Variants in KLHL1 observed in about 807,000 individuals in gnomAD.
KLHL1 encodes the protein kelch-like protein 1.
A neutral mutation model predicts 77.7 loss-of-function variants in KLHL1; 47 were observed. The observed-to-expected ratio is 0.60, with a 90% CI of 0.48 to 0.77. The LOEUF (loss-of-function observed/expected upper bound fraction) is 0.77. Ranked by LOEUF, KLHL1 falls within the 30% of genes least tolerant of loss-of-function variation. KLHL1 has a pLI of 0.00. For missense variants in KLHL1, 925 were observed against 910.8 expected (o/e 1.02, Z -0.20); for synonymous variants, 360 against 325.2 (o/e 1.11, Z -1.15).
chr13:69,839,111 G>A lies in KLHL1; in HGVS notation c.1279C>T (p.Gln427Ter), dbSNP rs1322020999. 6.2e-7 allele frequency: 1 copy of A among 1,608,180 alleles called. No individual in the cohort carries two copies. Among genetic ancestry groups the A allele is most frequent in the Non-Finnish European group, 8.5e-7 (1 of 1,176,708 alleles). Residue 427 changes from glutamine to a stop codon, truncating the protein, a stop_gained, in exon 6 of 11, where the codon CAA (glutamine) becomes TAA (stop). Transcript: ENST00000377844. LOFTEE classifies it high-confidence loss of function. ...TTCATTGCTTCTAGAATCAGCTTTT[G>A]ACATTCCAGATCATTCTTAAATAAT... ...HALFKNDLEC[Q>*]KLILEAMKYH...
chr13:70,034,737 C>T (rs1178822978), intron 1 of KLHL1, among the ~76,000 whole-genome samples: 1 of 152,132 alleles, frequency 6.6e-6, no homozygotes, highest in Non-Finnish European at 1.5e-5. Context: ...TATACACCAT[C>T]GTTCTTTTCT....
chr13:70,103,340 C>G (rs1887969851), intron 1 of KLHL1, among the ~76,000 whole-genome samples: 1 of 152,058 alleles, frequency 6.6e-6, no homozygotes, highest in Admixed American at 6.6e-5. Context: ...GCATTCAGAA[C>G]CAGGTAATCC....
Position 69,940,216 on chromosome 13 carries a change from C to T in KLHL1, c.838G>A (p.Asp280Asn), listed in dbSNP as rs765265112. Residue 280 changes from aspartate to asparagine, a missense_variant, in exon 4 of 11, where the codon GAC (aspartate) becomes AAC (asparagine). Transcript: ENST00000377844. ...AYTGCLELKE[D>N]TIENLLAAAC... ...GCAGCAAGAAGGTTCTCAATGGTGT[C>T]CTCTTTTAATTCCAAGCAGCCTAAA... The T allele has an allele frequency of 1.2e-6, 2 of 1,607,332 alleles. No homozygotes were observed. The highest frequency in any genetic ancestry group is 2.2e-5 in the East Asian group (1 of 44,742).
Position 69,701,462 on chromosome 13 carries a change from T to A in KLHL1, c.*240A>T. On this transcript the variant is annotated 3_prime_UTR_variant, in exon 11 of 11. Transcript: ENST00000377844. ...TTGTATGCTATAATACAAAACAAAT[T>A]ACCAATAACCATTCCCGAACTAACT... 2 of 420,946 alleles carry A rather than the reference T, an allele frequency of 4.8e-6. No homozygotes were observed. The highest frequency in any genetic ancestry group is 8.5e-6 in the Non-Finnish European group (2 of 234,552). The allele number at this position is 420,946 out of a possible 1,614,324, so 26.1% of individuals were successfully genotyped here.
intron 1 of KLHL1, among the ~76,000 whole-genome samples, chr13:70,073,756 G>T (rs1236752445): frequency 6.6e-6 from 1 of 152,040 alleles, no homozygotes; most frequent in Non-Finnish European, 1.5e-5. Flanking sequence ...TAGCTTGGGT[G>T]AGAGGGTGAG....
intron 3 of KLHL1, among the ~76,000 whole-genome samples, chr13:69,960,221 T>C (rs2137268742): frequency 6.6e-6 from 1 of 151,690 alleles, no homozygotes; most frequent in Non-Finnish European, 1.5e-5. Flanking sequence ...TCCTCCTAGT[T>C]CCCAGGTGTT....
intron 2 of KLHL1, among the ~76,000 whole-genome samples, chr13:69,973,552 A>G (rs1181650665): frequency 6.6e-6 from 1 of 151,782 alleles, no homozygotes; most frequent in Non-Finnish European, 1.5e-5. Flanking sequence ...GACAATATTT[A>G]GTTGTACTAA....
Position 70,090,579 on chromosome 13 carries a change from C to T in KLHL1, c.497+16624G>A, listed in dbSNP as rs1887648951. Among the ~76,000 whole-genome samples the T allele has an allele frequency of 2.0e-5, 3 of 151,920 alleles. No individual in the cohort carries two copies. In the South Asian group the frequency reaches 6.2e-4, roughly 31 times the overall value. The stretch of plus-strand genomic sequence containing the variant: ...CAGATGTGAGGCACACAATTTAAAG[C>T]TGGCTATAATCCTTTTCTCACGATG... On this transcript the variant is annotated intron_variant, in intron 1 of 10. Transcript: ENST00000377844.
At position 69,775,830 on chromosome 13, in the gene KLHL1, A is replaced by G. The variant is rs569124705; in HGVS notation, c.1639+20908T>C. The stretch of plus-strand genomic sequence containing the variant: ...CACGTCACGGAAAGGGGCTCTCCCA[A>G]TTTTAGGTGGTAACTGCATTTTAAA... On this transcript the variant is annotated intron_variant, in intron 7 of 10. Transcript: ENST00000377844. Among the ~76,000 whole-genome samples, 26 of 151,954 alleles carry G rather than the reference A, an allele frequency of 1.7e-4. No individual in the cohort carries two copies. The East Asian group carries it at 4.5e-3, about 26-fold the overall frequency.
At chr13:69,950,697 A>T (rs1883681001) in intron 3 of KLHL1, among the ~76,000 whole-genome samples, 1 of 151,686 alleles carries the variant, frequency 6.6e-6, no homozygotes, top group Non-Finnish European at 1.5e-5. Context: ...TTAATTTAGG[A>T]TACCTTTATG....
chr13:69,912,136 G>T (rs900267887), intron 4 of KLHL1, among the ~76,000 whole-genome samples: 4 of 152,102 alleles, frequency 2.6e-5, no homozygotes, highest in East Asian at 3.9e-4. Context: ...TTTAAAACTG[G>T]TGATCATCCA....
chr13:70,066,767 C>A (rs1196115863), intron 1 of KLHL1, among the ~76,000 whole-genome samples: 1 of 152,200 alleles, frequency 6.6e-6, no homozygotes, highest in African/African-American at 2.4e-5. Flanking sequence ...ACAGCCTATG[C>A]TAAGCTCTTA....
rs184075739 is a variant in KLHL1, at chr13:69,959,775, A to G, written c.817+1533T>C. ...GAGTAGAAGACTAACTTGGGTGAAC[A>G]AATTGCTTCAAGTTGTAAAACTATC... is the stretch of plus-strand genomic sequence containing the variant. On this transcript the variant is annotated intron_variant, in intron 3 of 10. Transcript: ENST00000377844. 2.1e-3 allele frequency among the ~76,000 whole-genome samples: 316 copies of G among 152,066 alleles called. 2 individuals are homozygous for G. The highest frequency in any genetic ancestry group is 7.4e-3 in the African/African-American group (309 of 41,528).
chr13:69,936,904 C>T (rs541900238), intron 4 of KLHL1, among the ~76,000 whole-genome samples: 1 of 152,254 alleles, frequency 6.6e-6, no homozygotes, highest in South Asian at 2.1e-4. Flanking sequence ...TAGCTTTGAT[C>T]ACTCGCTTGT....
chr13:69,953,444 C>CTTAAGTTATATCT (rs770768900), intron 3 of KLHL1, among the ~76,000 whole-genome samples: 22 of 150,950 alleles, frequency 1.5e-4, no homozygotes, highest in Non-Finnish European at 3.3e-4. Context: ...AACTCTAGAT[C>CTTAAGTTATATCT]TAGTAGAAAA....
rs75795000 is a variant in KLHL1, at chr13:69,937,461, A to T, written c.1014+2579T>A. ...AAAATTTACTATTCTTGTTATTCTA[A>T]TCTGTTTCCGTTTGCCACTCTCTAC... is the stretch of plus-strand genomic sequence containing the variant. On this transcript the variant is annotated intron_variant, in intron 4 of 10. Coordinates refer to ENST00000377844, the MANE Select transcript of KLHL1 (RefSeq NM_020866.3). Among the ~76,000 whole-genome samples, 8 of 152,202 alleles carry T rather than the reference A, an allele frequency of 5.3e-5. No individual in the cohort carries two copies. The East Asian group carries it at 1.5e-3, about 29-fold the overall frequency.
chr13:69,923,550 A>G (rs979480342), intron 4 of KLHL1, among the ~76,000 whole-genome samples: 1 of 152,208 alleles, frequency 6.6e-6, no homozygotes, highest in Admixed American at 6.5e-5. Flanking sequence ...GCCATCTTGA[A>G]TTAAAATGAT....
At chr13:69,961,178 TCTA>T in intron 3 of KLHL1, 127 bp downstream of exon 3, 3 of 731,168 alleles carry the variant, frequency 4.1e-6, no homozygotes, top group East Asian at 2.7e-5. Flanking sequence ...TGATTTTTGA[TCTA>T]CTAGTTTTCA....
intron 1 of KLHL1, among the ~76,000 whole-genome samples, chr13:70,058,646 A>T (rs934840264): frequency 6.6e-6 from 1 of 152,332 alleles, no homozygotes; most frequent in East Asian, 1.9e-4. Flanking sequence ...CTACACAAGC[A>T]ATCTTTAGAT....
Sources: gnomAD v4.1 joint callset for allele counts (sites outside exome capture counted in the v4.1 genomes callset) on GRCh38, gnomAD v4.1.1 for gene constraint, MANE v1.5 for transcripts, NCBI Gene and HGNC (gene_info 2026-07-23, HGNC 2026-07-21) for gene names.